Variants in PAPSS1 observed in about 807,000 individuals in gnomAD.
The protein encoded by PAPSS1 is 3'-phosphoadenosine 5'-phosphosulfate synthase 1.
A neutral mutation model predicts 72.0 loss-of-function variants in PAPSS1; 50 were observed. The observed-to-expected ratio is 0.69, with a 90% CI of 0.55 to 0.88. The LOEUF (loss-of-function observed/expected upper bound fraction) is 0.88, where lower values mean the gene tolerates loss of function less well. Ranked by LOEUF, PAPSS1 falls within the 40% of genes least tolerant of loss-of-function variation. The pLI is 0.00. For missense variants in PAPSS1, 657 were observed against 782.2 expected (o/e 0.84, Z 1.91); for synonymous variants, 261 against 263.6 (o/e 0.99, Z 0.09).
chr4:107,661,367 G>GT (rs1243793763), intron 5 of PAPSS1, among the ~76,000 whole-genome samples: 1 of 152,118 alleles, frequency 6.6e-6, no homozygotes, highest in Non-Finnish European at 1.5e-5. Context: ...AGTTGAAAAC[G>GT]TACCTCCACT....
At chr4:107,615,123 A>C (rs1321602694) in intron 11 of PAPSS1, among the ~76,000 whole-genome samples, 1 of 152,134 alleles carries the variant, frequency 6.6e-6, no homozygotes, top group Non-Finnish European at 1.5e-5. Context: ...GCAATAATCA[A>C]TACTACTTAA....
chr4:107,694,260 T>C (rs1214509471), intron 2 of PAPSS1: 3 of 416,924 alleles, frequency 7.2e-6, no homozygotes, highest in East Asian at 4.1e-5. Flanking sequence ...ATTCTCAATA[T>C]GTTGCGCCAG....
At chr4:107,633,453 G>A (rs995451615) in intron 10 of PAPSS1, among the ~76,000 whole-genome samples, 3 of 152,138 alleles carry the variant, frequency 2.0e-5, no homozygotes, top group Non-Finnish European at 2.9e-5. Flanking sequence ...CACTTGCATA[G>A]CTTTGCCAGG....
Position 107,720,128 on chromosome 4 carries a change from G to C in PAPSS1, c.52C>G (p.Gln18Glu), listed in dbSNP as rs1723743387. 1.2e-6 allele frequency: 2 copies of C among 1,606,378 alleles called. No homozygotes were observed. ...CTTCGTCCCCAGCTTACCCAGTTCT[G>C]CGCGTTATTGCTCAGTTTGACTTTC... ...CKKVKLSNNA[Q>E]NWGMQRATNV... Residue 18 changes from glutamine to glutamate, a missense_variant, in exon 1 of 12, where the codon CAG becomes GAG. Gln to Glu is a conservative substitution (Grantham distance 29, BLOSUM62 2). Around this residue, in one of 7 missense-constraint regions of PAPSS1, gnomAD observed 48 missense variants for 31.9 expected, o/e 1.51. Transcript: ENST00000265174.
intron 5 of PAPSS1, among the ~76,000 whole-genome samples, chr4:107,681,297 G>A (rs954501884): frequency 1.3e-5 from 2 of 152,082 alleles, no homozygotes; most frequent in Non-Finnish European, 2.9e-5. Flanking sequence ...AGGTGACAGG[G>A]TAATCACTGA....
At chr4:107,676,558 T>G (rs1727656460) in intron 5 of PAPSS1, among the ~76,000 whole-genome samples, 1 of 152,168 alleles carries the variant, frequency 6.6e-6, no homozygotes, top group Admixed American at 6.5e-5. Flanking sequence ...TGGAAGAACA[T>G]TCCATGCTCA....
At chr4:107,712,820 C>A (rs1490185470) in intron 1 of PAPSS1, among the ~76,000 whole-genome samples, 1 of 150,834 alleles carries the variant, frequency 6.6e-6, no homozygotes, top group African/African-American at 2.4e-5. Flanking sequence ...TTGCAGCGAG[C>A]CAAGATTGCG....
At chr4:107,686,345 T>A (rs1448467594) in intron 4 of PAPSS1, among the ~76,000 whole-genome samples, 1 of 152,248 alleles carries the variant, frequency 6.6e-6, no homozygotes, top group East Asian at 1.9e-4. Context: ...ATACTTTAAA[T>A]CATCTCTAGA....
intron 3 of PAPSS1, 83 bp downstream of exon 3, chr4:107,693,688 T>A: frequency 1.1e-6 from 1 of 923,218 alleles, no homozygotes; most frequent in South Asian, 1.5e-5. Flanking sequence ...AAAGCACATA[T>A]CAATGTTTAA....
intron 9 of PAPSS1, among the ~76,000 whole-genome samples, chr4:107,646,399 G>A (rs544845995): frequency 4.8e-5 from 7 of 145,490 alleles, no homozygotes; most frequent in South Asian, 2.2e-4. Context: ...TTGTAGCACC[G>A]TTGTTTGGTC....
intron 2 of PAPSS1, among the ~76,000 whole-genome samples, chr4:107,698,416 A>T (rs937421267): frequency 1.3e-5 from 2 of 152,234 alleles, no homozygotes; most frequent in African/African-American, 4.8e-5. Flanking sequence ...TTTCAAATAC[A>T]CGTTTATGAA....
In PAPSS1 at chr4:107,631,803, G is replaced by T. The variant is rs550944760; in HGVS notation, c.1564C>A (p.Arg522=). Residue 522 remains arginine (R), a synonymous_variant, in exon 11 of 12, where the codon CGA becomes AGA. Coordinates refer to ENST00000265174, the MANE Select transcript of PAPSS1 (RefSeq NM_005443.5). Reference sequence around the variant, plus strand: ...GGATGAGGCATGCCAGCAGGGTCTCGTCCAACAATGTAAAAGTTGGCTCCT... The same window carrying T: ...GGATGAGGCATGCCAGCAGGGTCTCTTCCAACAATGTAAAAGTTGGCTCCT... ...VAGANFYIVG[R]DPAGMPHPET... is the part of the protein sequence containing the mutation. 1.2e-6 allele frequency: 2 copies of T among 1,613,982 alleles called. No individual in the cohort carries two copies. Among genetic ancestry groups the T allele is most frequent in the South Asian group, 2.2e-5 (2 of 91,082 alleles).
chr4:107,675,195 G>A (rs1727605730), intron 5 of PAPSS1, among the ~76,000 whole-genome samples: 2 of 152,144 alleles, frequency 1.3e-5, no homozygotes. Flanking sequence ...GAGCAGAACT[G>A]AAGGAAACAG....
At chr4:107,708,345 A>G (rs942882334) in intron 1 of PAPSS1, among the ~76,000 whole-genome samples, 1 of 152,154 alleles carries the variant, frequency 6.6e-6, no homozygotes, top group Non-Finnish European at 1.5e-5. Context: ...TCCCATTGAT[A>G]CTGGCTAAGG....
chr4:107,712,583 A>C (rs536958001), intron 1 of PAPSS1, among the ~76,000 whole-genome samples: 1 of 152,336 alleles, frequency 6.6e-6, no homozygotes, highest in African/African-American at 2.4e-5. Context: ...CTGATGAATA[A>C]AGAAGATGTG....
Position 107,654,771 on chromosome 4 carries a change from T to G in PAPSS1, c.1025A>C (p.Glu342Ala). ...CTCCTCTTTCCTGTGCTCAAAAAAC[T>G]CTGGATTGCGAAGAATGGCCACACG... ...GRRVAILRNPEFFEHRKEERC... is the reference protein window; with the variant it reads ...GRRVAILRNPAFFEHRKEERC... The change falls in exon 8 of 12, where the codon GAG (glutamate) becomes GCG (alanine). Residue 342 changes from glutamate (E) to alanine (A), a missense_variant. By Grantham distance (107) the Glu-to-Ala change is moderately radical (BLOSUM62 -1). Transcript: ENST00000265174. The G allele has an allele frequency of 1.9e-6, 3 of 1,613,982 alleles. No individual in the cohort carries two copies. Among genetic ancestry groups the G allele is most frequent in the Non-Finnish European group, 2.5e-6 (3 of 1,179,924 alleles).
At chr4:107,702,582 A>T (rs771959599) in intron 1 of PAPSS1, among the ~76,000 whole-genome samples, 1 of 152,152 alleles carries the variant, frequency 6.6e-6, no homozygotes, top group Non-Finnish European at 1.5e-5. Context: ...ACTTTTTTAG[A>T]TTCCACATGT....
chr4:107,654,858 G>A lies in PAPSS1; in HGVS notation c.938C>T (p.Thr313Ile), dbSNP rs1266141922. The A allele has an allele frequency of 3.1e-6, 5 of 1,613,988 alleles. No individual in the cohort carries two copies. The highest frequency in any genetic ancestry group is 4.2e-6 in the Non-Finnish European group (5 of 1,179,954). Residue 313 changes from threonine to isoleucine, a missense_variant, in exon 8 of 12, where the codon ACT becomes ATT. Transcript: ENST00000265174. ...NLSVPIVLTATHEDKERLDGC... is the reference protein window; with the variant it reads ...NLSVPIVLTAIHEDKERLDGC... ...GTCCAGCCTCTCTTTATCTTCATGA[G>A]TCGCAGTCAGAACTATAGGTACTGA...
At chr4:107,680,343 G>A (rs1264934730) in intron 5 of PAPSS1, among the ~76,000 whole-genome samples, 2 of 150,892 alleles carry the variant, frequency 1.3e-5, no homozygotes, top group Non-Finnish European at 3.0e-5. Context: ...TCACATAGAG[G>A]AACAAAGAAA....
Sources: gnomAD v4.1 joint callset for allele counts (sites outside exome capture counted in the v4.1 genomes callset) on GRCh38, gnomAD v4.1.1 for gene constraint, gnomAD v4.1.1 regional missense constraint, MANE v1.5 for transcripts, NCBI Gene and HGNC (gene_info 2026-07-23, HGNC 2026-07-21) for gene names.